The following STXBP5L variants were observed in gnomAD, a reference collection of about 807,000 sequenced individuals.
STXBP5L encodes syntaxin binding protein 5L.
STXBP5L carries 65 observed loss-of-function variants against 144.5 expected under a neutral mutation model. The ratio of observed to expected loss-of-function variants is 0.45; its 90% CI spans 0.37 to 0.55. The LOEUF (loss-of-function observed/expected upper bound fraction) is 0.55, where lower values mean the gene tolerates loss of function less well. STXBP5L is among the 20% of genes least tolerant of loss of function. The probability of loss-of-function intolerance (pLI) is 0.00; values close to 1 mark genes in which losing one functional copy is unlikely to be tolerated. For missense variants in STXBP5L, 1,298 were observed against 1,405.5 expected (o/e 0.92, Z 1.22); for synonymous variants, 505 against 469.6 (o/e 1.08, Z -0.97).
intron 10 of STXBP5L, among the ~76,000 whole-genome samples, chr3:121,215,405 C>A (rs2108269322): frequency 6.6e-6 from 1 of 152,290 alleles, no homozygotes. Context: ...CTTGTGGTGG[C>A]AAAATCTCTC....
intron 5 of STXBP5L, among the ~76,000 whole-genome samples, chr3:121,087,626 T>C (rs936115685): frequency 2.6e-5 from 4 of 152,052 alleles, no homozygotes; most frequent in Non-Finnish European, 4.4e-5. Flanking sequence ...TAATTCATTC[T>C]GTCAGTCTAT....
At chr3:121,369,431 C>T (rs2045963017) in intron 20 of STXBP5L, among the ~76,000 whole-genome samples, 1 of 148,968 alleles carries the variant, frequency 6.7e-6, no homozygotes, top group Admixed American at 6.7e-5. Context: ...TTTCTTTCTT[C>T]TTTGTTCTTC....
At chr3:121,073,145 A>G (rs1039280586) in intron 5 of STXBP5L, among the ~76,000 whole-genome samples, 6 of 152,200 alleles carry the variant, frequency 3.9e-5, no homozygotes, top group African/African-American at 7.2e-5. Flanking sequence ...TAGTCCGTTA[A>G]GTTTTTTTGG....
intron 7 of STXBP5L, among the ~76,000 whole-genome samples, chr3:121,127,664 C>A (rs1333846624): frequency 6.6e-6 from 1 of 151,746 alleles, no homozygotes; most frequent in African/African-American, 2.4e-5. Context: ...CTAATTACAT[C>A]TGCAAAGATT....
intron 2 of STXBP5L, among the ~76,000 whole-genome samples, chr3:120,919,748 C>G (rs1016970618): frequency 6.6e-6 from 1 of 151,790 alleles, no homozygotes; most frequent in East Asian, 1.9e-4. Context: ...ATTGGGCAAC[C>G]CTTTTTTAGG....
intron 2 of STXBP5L, among the ~76,000 whole-genome samples, chr3:120,917,180 A>G (rs973414208): frequency 1.2e-4 from 18 of 152,232 alleles, no homozygotes; most frequent in African/African-American, 4.3e-4. Flanking sequence ...TAGTAAAAAC[A>G]AAACAAACTT....
At chr3:121,056,427 A>G (rs192663835) in intron 5 of STXBP5L, among the ~76,000 whole-genome samples, 2 of 152,288 alleles carry the variant, frequency 1.3e-5, no homozygotes, top group Admixed American at 6.6e-5. Flanking sequence ...GCTACTTACT[A>G]TCAGAGAATT....
intron 22 of STXBP5L, among the ~76,000 whole-genome samples, chr3:121,405,348 A>G (rs1415246880): frequency 6.6e-6 from 1 of 152,020 alleles, no homozygotes; most frequent in Non-Finnish European, 1.5e-5. Context: ...AATATCCCAT[A>G]TGATTACTTA....
chr3:121,133,486 C>G, intron 7 of STXBP5L, among the ~76,000 whole-genome samples: 1 of 151,762 alleles, frequency 6.6e-6, no homozygotes, highest in Non-Finnish European at 1.5e-5. Context: ...TATTCACATC[C>G]TAAAAGAAAA....
chr3:121,078,311 G>A (rs1393118888), intron 5 of STXBP5L, among the ~76,000 whole-genome samples: 3 of 151,336 alleles, frequency 2.0e-5, no homozygotes, highest in Admixed American at 6.6e-5. Flanking sequence ...AGTGTCGATT[G>A]ATGCATTCAC....
Position 121,313,445 on chromosome 3 carries a change from C to T in STXBP5L, c.2111-5030C>T, listed in dbSNP as rs1208075712. Among the ~76,000 whole-genome samples the T allele has an allele frequency of 2.9e-5, 3 of 102,926 alleles. No homozygotes were observed. The Admixed American group carries it at 3.0e-4, about 10-fold the overall frequency. The allele number at this position is 102,926 out of a possible 152,430, so 67.5% of individuals were successfully genotyped here. A position where few individuals can be genotyped will look rare whatever the true frequency, so the allele number is the denominator to read the frequency against. ...GCGGCTGGCCGGGCGGGGGGCTGACCCCCCCACCTCCCTCCTGGACGGGGC... is the reference window on the plus strand; with the variant it reads ...GCGGCTGGCCGGGCGGGGGGCTGACTCCCCCACCTCCCTCCTGGACGGGGC... On this transcript the variant is annotated intron_variant, in intron 19 of 26. Transcript: ENST00000471454.
chr3:121,127,658 T>A (rs1454512361), intron 7 of STXBP5L, among the ~76,000 whole-genome samples: 2 of 151,736 alleles, frequency 1.3e-5, no homozygotes, highest in African/African-American at 4.8e-5. Context: ...CCTTAACTAA[T>A]TACATCTGCA....
chr3:121,223,236 A>G, intron 11 of STXBP5L, 79 bp downstream of exon 11: 1 of 1,412,996 alleles, frequency 7.1e-7, no homozygotes. Flanking sequence ...AAGGTTAAAT[A>G]TTTTCAGATG....
intron 9 of STXBP5L, among the ~76,000 whole-genome samples, chr3:121,159,782 A>G (rs1046956354): frequency 1.3e-5 from 2 of 150,754 alleles, no homozygotes; most frequent in African/African-American, 4.9e-5. Context: ...GGCGCCCGCT[A>G]CCATGCCCGG....
At chr3:121,319,540 A>G (rs1274904573) in intron 20 of STXBP5L, among the ~76,000 whole-genome samples, 2 of 151,866 alleles carry the variant, frequency 1.3e-5, no homozygotes, top group Non-Finnish European at 2.9e-5. Context: ...TATTTTACTG[A>G]TCTTATTGTA....
At chr3:121,295,695 T>C (rs1375333669) in intron 19 of STXBP5L, among the ~76,000 whole-genome samples, 3 of 152,174 alleles carry the variant, frequency 2.0e-5, no homozygotes, top group Non-Finnish European at 4.4e-5. Context: ...TATTTGGCAA[T>C]GTCTGTGAAC....
chr3:121,177,905 A>C (rs1412738553), intron 9 of STXBP5L, among the ~76,000 whole-genome samples: 2 of 152,244 alleles, frequency 1.3e-5, no homozygotes, highest in African/African-American at 4.8e-5. Context: ...CTGGATAAAC[A>C]AAATGTGGTA....
chr3:120,975,217 C>G lies in STXBP5L; in HGVS notation c.287+20180C>G, dbSNP rs907651648. On this transcript the variant is annotated intron_variant, in intron 3 of 26. Coordinates refer to ENST00000471454, the MANE Select transcript of STXBP5L (RefSeq NM_001308330.2). ...ATTTGGTTGTATCCTCTTTTATTTC[C>G]TTGAGCAGTGGTTTGTAGTTCTCCT... Among the ~76,000 whole-genome samples the G allele has an allele frequency of 7.6e-4, 115 of 152,078 alleles. 1 individual carries two copies. The highest frequency in any genetic ancestry group is 3.4e-3 in the Middle Eastern group (1 of 294).
intron 20 of STXBP5L, among the ~76,000 whole-genome samples, chr3:121,327,323 C>T (rs1269957066): frequency 6.6e-6 from 1 of 152,150 alleles, no homozygotes; most frequent in Non-Finnish European, 1.5e-5. Context: ...AGCCACCAAA[C>T]TGTTGATTAC....
Sources: allele counts gnomAD v4.1 joint callset (sites outside exome capture counted in the v4.1 genomes callset), GRCh38; gene constraint gnomAD v4.1.1; transcripts MANE v1.5; gene names NCBI Gene and HGNC (gene_info 2026-07-23, HGNC 2026-07-21).